Variants in CDH4 observed in about 807,000 individuals in gnomAD.
CDH4 encodes cadherin 4.
A neutral mutation model predicts 86.0 loss-of-function variants in CDH4; 33 were observed. The observed-to-expected ratio is 0.38, with a 90% confidence interval of 0.29 to 0.51. CDH4 has a LOEUF of 0.51. Among genes scored for constraint, CDH4 ranks in the 20% least tolerant of loss-of-function variants. The probability of loss-of-function intolerance (pLI) is 0.86; values close to 1 mark genes in which losing one functional copy is unlikely to be tolerated. For synonymous variants in CDH4, 555 were observed against 549.4 expected (o/e 1.01, Z -0.14); for missense variants, 1,114 against 1,307.4 (o/e 0.85, Z 2.28).
At chr20:61,268,954 G>A (rs1264224129) in intron 2 of CDH4, among the ~76,000 whole-genome samples, 1 of 152,146 alleles carries the variant, frequency 6.6e-6, no homozygotes, top group African/African-American at 2.4e-5. Flanking sequence ...TGTGGGTGGG[G>A]ACAGCCGCTG....
intron 2 of CDH4, among the ~76,000 whole-genome samples, chr20:61,303,893 C>T (rs2084399346): frequency 6.6e-6 from 1 of 152,272 alleles, no homozygotes; most frequent in Admixed American, 6.5e-5. Context: ...ACGGTGCCAT[C>T]CTGTTTTGTT....
intron 2 of CDH4, among the ~76,000 whole-genome samples, chr20:61,652,950 T>A (rs1241054445): frequency 9.7e-5 from 12 of 124,214 alleles, no homozygotes; most frequent in African/African-American, 2.7e-4. Context: ...TTTTTTTTTT[T>A]TTTTTATTGA....
intron 9 of CDH4, among the ~76,000 whole-genome samples, chr20:61,917,730 C>T (rs879298682): frequency 2.0e-5 from 3 of 152,266 alleles, no homozygotes; most frequent in Non-Finnish European, 4.4e-5. Context: ...GTCATGGCCA[C>T]GTGTGGGCGG....
chr20:61,646,618 G>A (rs934965905), intron 2 of CDH4, among the ~76,000 whole-genome samples: 1 of 152,236 alleles, frequency 6.6e-6, no homozygotes, highest in Non-Finnish European at 1.5e-5. Flanking sequence ...CGTGCCCTGG[G>A]GCTCTGAGCA....
intron 2 of CDH4, among the ~76,000 whole-genome samples, chr20:61,649,921 G>C (rs1287058790): frequency 6.6e-6 from 1 of 152,192 alleles, no homozygotes; most frequent in Non-Finnish European, 1.5e-5. Flanking sequence ...CCGGCTCCAG[G>C]CATTGTGGCC....
At chr20:61,565,343 G>A (rs1156537234) in intron 2 of CDH4, among the ~76,000 whole-genome samples, 2 of 84,200 alleles carry the variant, frequency 2.4e-5, no homozygotes, top group Non-Finnish European at 2.6e-5. Context: ...GGTGGTAGTG[G>A]TCCTCTTGGT....
chr20:61,908,719 G>C (rs1347094407), intron 8 of CDH4, among the ~76,000 whole-genome samples: 1 of 152,224 alleles, frequency 6.6e-6, no homozygotes, highest in African/African-American at 2.4e-5. Context: ...GTCAGCTGGG[G>C]AGGGGCACTC....
intron 2 of CDH4, among the ~76,000 whole-genome samples, chr20:61,539,595 A>C (rs2086023969): frequency 1.3e-5 from 2 of 152,332 alleles, no homozygotes; most frequent in Middle Eastern, 6.8e-3. Context: ...CTCCAAATAC[A>C]GCCATGTTCT....
At chr20:61,636,776 C>A (rs1007563734) in intron 2 of CDH4, among the ~76,000 whole-genome samples, 2 of 152,228 alleles carry the variant, frequency 1.3e-5, no homozygotes, top group East Asian at 3.9e-4. Flanking sequence ...GCACCAGGTG[C>A]CTGAACCCCA....
intron 2 of CDH4, among the ~76,000 whole-genome samples, chr20:61,573,030 T>TTGGATGGTTGGATGGATGGATGGA (rs1555810028): frequency 7.1e-6 from 1 of 140,340 alleles, no homozygotes; most frequent in African/African-American, 2.8e-5. Context: ...GGATGGATGG[T>TTGGATGGTTGGATGGATGGATGGA]TGGATGGATG....
rs552819976 is a variant in CDH4, at chr20:61,678,537, A to G, written c.170-65026A>G. Among the ~76,000 whole-genome samples, 25 of 152,354 alleles carry G rather than the reference A, an allele frequency of 1.6e-4. No individual in the cohort carries two copies. In the South Asian group the frequency reaches 5.0e-3, roughly 30 times the overall value. On this transcript the variant is annotated intron_variant, in intron 2 of 15. Transcript: ENST00000614565. ...AGCCAGGAAAGTAAGCATCTCAGCA[A>G]CGCAGTTTCTGGGTGCCCGTGTCAG... is the stretch of plus-strand genomic sequence containing the variant.
At chr20:61,832,338 T>G (rs1016283335) in intron 4 of CDH4, among the ~76,000 whole-genome samples, 1 of 152,190 alleles carries the variant, frequency 6.6e-6, no homozygotes, top group Admixed American at 6.5e-5. Context: ...AGGGAAGGGC[T>G]GCATATGAAT....
chr20:61,381,770 A>T (rs2145447618), intron 2 of CDH4, among the ~76,000 whole-genome samples: 1 of 152,278 alleles, frequency 6.6e-6, no homozygotes, highest in South Asian at 2.1e-4. Flanking sequence ...ACCTTTCAGA[A>T]AACTATTTAA....
At chr20:61,432,383 T>G (rs6089597) in intron 2 of CDH4, among the ~76,000 whole-genome samples, 4,334 of 152,284 alleles carry the variant, frequency 0.028, 98 homozygotes, top group Non-Finnish European at 0.043. Flanking sequence ...CTTCCCTGGA[T>G]ACTGACAATA....
intron 2 of CDH4, among the ~76,000 whole-genome samples, chr20:61,638,694 A>C (rs182067373): frequency 1.3e-4 from 20 of 152,282 alleles, no homozygotes; most frequent in Admixed American, 8.5e-4. Flanking sequence ...CCACATTGTG[A>C]GTTAAATCCT....
chr20:61,504,345 G>T, intron 2 of CDH4, among the ~76,000 whole-genome samples: 1 of 152,226 alleles, frequency 6.6e-6, no homozygotes, highest in Non-Finnish European at 1.5e-5. Context: ...TGTTCGGATT[G>T]TGGTTTTTTT....
intron 3 of CDH4, among the ~76,000 whole-genome samples, chr20:61,753,457 G>A (rs1157611830): frequency 6.6e-6 from 1 of 152,202 alleles, no homozygotes; most frequent in Non-Finnish European, 1.5e-5. Context: ...AGGCAGTGCT[G>A]GAATCTGGAA....
At chr20:61,729,035 T>A (rs1448818920) in intron 2 of CDH4, among the ~76,000 whole-genome samples, 1 of 152,186 alleles carries the variant, frequency 6.6e-6, no homozygotes, top group East Asian at 1.9e-4. Context: ...GGGAAGAATG[T>A]CAGTCTCCAG....
chr20:61,654,110 G>A (rs1182759154), intron 2 of CDH4, among the ~76,000 whole-genome samples: 12 of 152,088 alleles, frequency 7.9e-5, no homozygotes, highest in Non-Finnish European at 1.2e-4. Context: ...CTGAGATCAC[G>A]CCACTGCACT....
Sources: allele counts gnomAD v4.1 joint callset (sites outside exome capture counted in the v4.1 genomes callset), GRCh38; gene constraint gnomAD v4.1.1; transcripts MANE v1.5; gene names NCBI Gene and HGNC (gene_info 2026-07-23, HGNC 2026-07-21).